Variants in EVI5 observed in about 807,000 individuals in gnomAD.
EVI5 encodes the protein ecotropic viral integration site 5 protein homolog.
In EVI5, 73 loss-of-function variants were observed where a neutral mutation model predicts 112.0. That is an observed-to-expected ratio of 0.65 (90% CI 0.54 to 0.79). The LOEUF is 0.79. Among genes scored for constraint, EVI5 ranks in the 30% least tolerant of loss-of-function variants. The pLI is 0.00. For missense variants in EVI5, 900 were observed against 968.8 expected (o/e 0.93, Z 0.94); for synonymous variants, 305 against 319.9 (o/e 0.95, Z 0.50).
At chr1:92,525,950 G>A (rs755180556) in intron 19 of EVI5, among the ~76,000 whole-genome samples, 2 of 152,144 alleles carry the variant, frequency 1.3e-5, no homozygotes, top group Non-Finnish European at 2.9e-5. Flanking sequence ...TAATATAAAC[G>A]TATACACACA....
chr1:92,752,322 G>T (rs960718064), intron 1 of EVI5, among the ~76,000 whole-genome samples: 2 of 151,942 alleles, frequency 1.3e-5, no homozygotes, highest in African/African-American at 4.8e-5. Flanking sequence ...TTACAGGCAC[G>T]TGCCACCACG....
At chr1:92,575,917 C>T (rs1394396263) in intron 18 of EVI5, among the ~76,000 whole-genome samples, 2 of 151,916 alleles carry the variant, frequency 1.3e-5, no homozygotes, top group South Asian at 2.1e-4. Flanking sequence ...TGGAAGAGTC[C>T]AAGTCTGTAG....
At chr1:92,634,394 C>A (rs1658246039) in intron 14 of EVI5, among the ~76,000 whole-genome samples, 1 of 152,052 alleles carries the variant, frequency 6.6e-6, no homozygotes, top group Admixed American at 6.6e-5. Flanking sequence ...ATTCTTTTTT[C>A]TCCAAACTTC....
intron 1 of EVI5, among the ~76,000 whole-genome samples, chr1:92,746,419 A>C (rs1429122196): frequency 6.6e-6 from 1 of 152,160 alleles, no homozygotes; most frequent in Non-Finnish European, 1.5e-5. Flanking sequence ...ATACACACTA[A>C]AAATAACTTT....
At chr1:92,719,525 T>G (rs983365523) in intron 2 of EVI5, among the ~76,000 whole-genome samples, 1 of 151,958 alleles carries the variant, frequency 6.6e-6, no homozygotes, top group African/African-American at 2.4e-5. Flanking sequence ...CTCAATAAAC[T>G]AGGTATTGAT....
chr1:92,663,838 G>A (rs905503663), intron 11 of EVI5, among the ~76,000 whole-genome samples: 14 of 152,022 alleles, frequency 9.2e-5, no homozygotes, highest in Admixed American at 6.6e-4. Context: ...CCAACTCCTC[G>A]GCTCAAGGAG....
chr1:92,775,248 T>G (rs1314538798), intron 1 of EVI5, among the ~76,000 whole-genome samples: 1 of 152,020 alleles, frequency 6.6e-6, no homozygotes, highest in Admixed American at 6.6e-5. Context: ...GCCAACGTGG[T>G]GAAACTCCAT....
rs1036211869 is a variant in EVI5, at chr1:92,736,378, A to G, written c.149+20T>C. On this transcript the variant is annotated intron_variant, in intron 2 of 19. Coordinates refer to ENST00000684568, the MANE Select transcript of EVI5 (RefSeq NM_001350197.2). The stretch of plus-strand genomic sequence containing the variant: ...GGATTTGTATAATTGGAGAGAAAAA[A>G]GCTAAGCAACCTCACTCACCTATTC... 1.3e-6 allele frequency: 2 copies of G among 1,489,506 alleles called. No individual in the cohort carries two copies. Among genetic ancestry groups the G allele is most frequent in the African/African-American group, 1.4e-5 (1 of 72,432 alleles). The allele number at this position is 1,489,506 out of a possible 1,614,324, so 92.3% of individuals were successfully genotyped here.
At chr1:92,673,185 C>CTTTTTTTTTTTTTTT (rs35702596) in intron 10 of EVI5, among the ~76,000 whole-genome samples, 45 of 123,566 alleles carry the variant, frequency 3.6e-4, no homozygotes, top group African/African-American at 1.2e-3. Flanking sequence ...TAACACTTCT[C>CTTTTTTTTTTTTTTT]TTTTTTTTTT....
intron 1 of EVI5, among the ~76,000 whole-genome samples, chr1:92,762,377 C>A (rs1302221566): frequency 2.6e-5 from 4 of 152,090 alleles, no homozygotes; most frequent in African/African-American, 9.7e-5. Flanking sequence ...GATTCATTAT[C>A]TTATTTAATC....
chr1:92,641,306 C>G (rs192016219), intron 13 of EVI5, among the ~76,000 whole-genome samples: 1 of 152,282 alleles, frequency 6.6e-6, no homozygotes, highest in East Asian at 1.9e-4. Context: ...CAATAACTGC[C>G]TGGTTAACAG....
chr1:92,776,803 CT>C (rs1229355512), intron 1 of EVI5, among the ~76,000 whole-genome samples: 26,304 of 130,832 alleles, frequency 0.2, 2,628 homozygotes, highest in Non-Finnish European at 0.26. Flanking sequence ...AGCCAGCTAA[CT>C]TTTTTTTTTT....
intron 19 of EVI5, among the ~76,000 whole-genome samples, chr1:92,536,141 G>A (rs1663849686): frequency 6.6e-6 from 1 of 152,084 alleles, no homozygotes; most frequent in African/African-American, 2.4e-5. Flanking sequence ...GACACACTCA[G>A]CACAAGTTTA....
chr1:92,565,056 T>G (rs906086567), intron 18 of EVI5, among the ~76,000 whole-genome samples: 16 of 152,306 alleles, frequency 1.1e-4, no homozygotes, highest in East Asian at 9.6e-4. Context: ...GGAAGCCATG[T>G]GTTGATGCTT....
intron 14 of EVI5, among the ~76,000 whole-genome samples, chr1:92,632,878 T>A (rs1044684998): frequency 2.0e-5 from 3 of 152,266 alleles, no homozygotes; most frequent in Non-Finnish European, 2.9e-5. Flanking sequence ...GCTGTGTCTT[T>A]GTCCTCATTG....
intron 1 of EVI5, among the ~76,000 whole-genome samples, chr1:92,758,249 G>A (rs888256408): frequency 6.6e-6 from 1 of 152,132 alleles, no homozygotes; most frequent in Non-Finnish European, 1.5e-5. Flanking sequence ...TTAGTATCAT[G>A]TAAGCCTTTT....
At chr1:92,775,670 T>C (rs1362237347) in intron 1 of EVI5, among the ~76,000 whole-genome samples, 1 of 152,152 alleles carries the variant, frequency 6.6e-6, no homozygotes, top group Non-Finnish European at 1.5e-5. Context: ...AACAGTGAAA[T>C]TGTCTAACAA....
rs1305868003 is a variant in EVI5 at position 92,510,105 on chromosome 1, T to C, written c.*3551A>G. On this transcript the variant is annotated 3_prime_UTR_variant, in exon 20 of 20. Transcript: ENST00000684568. ...AGATCTTCAAAGAAAAGAGTGTTAT[T>C]TCTAGTTTTTTGTTGTCCAAATTAC... The C allele has an allele frequency of 6.6e-6, 1 of 152,212 alleles. No individual in the cohort carries two copies. Among genetic ancestry groups the C allele is most frequent in the Non-Finnish European group, 1.5e-5 (1 of 68,030 alleles). 9.4% of individuals were successfully genotyped at this position (152,212 alleles called of 1,614,324 possible).
chr1:92,563,582 G>T, intron 19 of EVI5, 60 bp downstream of exon 19: 1 of 793,862 alleles, frequency 1.3e-6, no homozygotes, highest in Non-Finnish European at 2.1e-6. Context: ...GTAATAAAGT[G>T]TTGTTACAAT....
Sources: allele counts gnomAD v4.1 joint callset (sites outside exome capture counted in the v4.1 genomes callset), GRCh38; gene constraint gnomAD v4.1.1; transcripts MANE v1.5; gene names NCBI Gene and HGNC (gene_info 2026-07-23, HGNC 2026-07-21).